Variants in FAM118B observed in about 807,000 individuals in gnomAD.
FAM118B encodes the protein SIR2 antiphage like 1, also known as protein FAM118B.
Under a neutral mutation model 38.5 loss-of-function variants are expected in FAM118B, and 24 were observed. The ratio of observed to expected loss-of-function variants is 0.62; its 90% CI spans 0.45 to 0.88. The LOEUF (loss-of-function observed/expected upper bound fraction) is 0.88. Ranked by LOEUF, FAM118B falls within the 40% of genes least tolerant of loss-of-function variation. The pLI, the probability that FAM118B is intolerant of heterozygous loss-of-function variation, is 0.00. For synonymous variants in FAM118B, 138 were observed against 156.3 expected (o/e 0.88, Z 0.87); for missense variants, 334 against 420.0 (o/e 0.80, Z 1.79).
chr11:126,251,654 C>A (rs1441238759), intron 5 of FAM118B, among the ~76,000 whole-genome samples: 1 of 152,090 alleles, frequency 6.6e-6, no homozygotes, highest in Non-Finnish European at 1.5e-5. Context: ...TCTGACCATC[C>A]TATTTAAATT....
chr11:126,237,916 ATTTT>A (rs942469776), intron 3 of FAM118B, among the ~76,000 whole-genome samples: 1 of 150,424 alleles, frequency 6.6e-6, no homozygotes, highest in Admixed American at 6.6e-5. Context: ...TTTTCTTTTA[ATTTT>A]TTTTTCTCCT....
At chr11:126,232,857 G>C (rs980897472) in intron 2 of FAM118B, among the ~76,000 whole-genome samples, 1 of 152,022 alleles carries the variant, frequency 6.6e-6, no homozygotes, top group Non-Finnish European at 1.5e-5. Context: ...TTTAGAATCG[G>C]AAGTGAGTCA....
chr11:126,229,577 G>T (rs1950183294), intron 2 of FAM118B, among the ~76,000 whole-genome samples: 1 of 151,906 alleles, frequency 6.6e-6, no homozygotes, highest in African/African-American at 2.4e-5. Flanking sequence ...CGAGTAGCTG[G>T]GATTACAGGC....
Position 126,250,873 on chromosome 11 carries a change from C to CT in FAM118B, c.567+146dup, listed in dbSNP as rs1448295482. The CT allele has an allele frequency of 4.8e-6, 3 of 623,780 alleles. No homozygotes were observed. In the East Asian group the frequency reaches 8.4e-5, roughly 17 times the overall value. 38.6% of individuals were successfully genotyped at this position (623,780 alleles called of 1,614,324 possible). A position where few individuals can be genotyped will look rare whatever the true frequency, so the allele number is the denominator to read the frequency against. On this transcript the variant is annotated intron_variant, in intron 5 of 8. Coordinates refer to ENST00000533050, the MANE Select transcript of FAM118B (RefSeq NM_024556.4). The surrounding 1 kb of genome is among the most constrained non-coding windows in gnomAD (Gnocchi z 5.1). Reference sequence around the variant, plus strand: ...TTCCCTGGTTGGAGTTTTTGTTTTTCTTTTTTCTTTCTTTTTAAAGATCAA... The same window carrying CT: ...TTCCCTGGTTGGAGTTTTTGTTTTTCTTTTTTTCTTTCTTTTTAAAGATCAA...
At chr11:126,227,058 CTTTTT>C (rs575065140) in intron 1 of FAM118B, among the ~76,000 whole-genome samples, 2 of 97,172 alleles carry the variant, frequency 2.1e-5, no homozygotes, top group Non-Finnish European at 2.0e-5. Flanking sequence ...ATACAAGCTT[CTTTTT>C]TTTTTTTTTT....
intron 1 of FAM118B, among the ~76,000 whole-genome samples, 176 bp downstream of exon 1, chr11:126,212,006 C>A (rs529827794): frequency 1.5e-4 from 23 of 152,330 alleles, no homozygotes; most frequent in Admixed American, 1.5e-3. Context: ...CCCTTAGGAG[C>A]GATGTCCCAT....
intron 1 of FAM118B, chr11:126,214,558 T>A (rs1949955274): frequency 6.9e-6 from 1 of 144,640 alleles, no homozygotes; most frequent in Non-Finnish European, 1.5e-5. Context: ...CTGTTCCTCA[T>A]TCAGCTGGTC....
intron 2 of FAM118B, among the ~76,000 whole-genome samples, chr11:126,232,866 C>T (rs1198574451): frequency 3.3e-5 from 5 of 152,040 alleles, no homozygotes; most frequent in African/African-American, 4.8e-5. Flanking sequence ...GGAAGTGAGT[C>T]ACATAAGTTA....
At chr11:126,242,325 C>A (rs546322110) in intron 4 of FAM118B, among the ~76,000 whole-genome samples, 1 of 152,086 alleles carries the variant, frequency 6.6e-6, no homozygotes, top group Non-Finnish European at 1.5e-5. Flanking sequence ...GATGGTGGCT[C>A]ATGCCTATAA....
intron 4 of FAM118B, among the ~76,000 whole-genome samples, chr11:126,241,848 C>G (rs949469095): frequency 6.6e-6 from 1 of 152,022 alleles, no homozygotes; most frequent in African/African-American, 2.4e-5. Flanking sequence ...CTGCACCCAG[C>G]CTGTTTTAAA....
chr11:126,233,223 C>T (rs887695801), intron 2 of FAM118B, among the ~76,000 whole-genome samples: 2 of 152,160 alleles, frequency 1.3e-5, no homozygotes, highest in African/African-American at 4.8e-5. Context: ...CACCTGTAAT[C>T]CCAACACTTT....
rs2135182778 is a variant in FAM118B at position 126,244,400 on chromosome 11, T to C, written c.339+3356T>C. Among the ~76,000 whole-genome samples, 1 of 152,328 alleles carries C rather than the reference T, an allele frequency of 6.6e-6. No individual in the cohort carries two copies. The highest frequency in any genetic ancestry group is 3.4e-3 in the Middle Eastern group (1 of 294). ...GGTTGGAGAATCCGGGATCAATATA[T>C]AAAAATAGTATTTTTATACACTTGC... On this transcript the variant is annotated intron_variant, in intron 4 of 8. Coordinates refer to ENST00000533050, the MANE Select transcript of FAM118B (RefSeq NM_024556.4). This position sits in a 1 kb window ranked among gnomAD's most constrained non-coding sequence, Gnocchi z 4.5.
chr11:126,238,776 C>G (rs1413646749), intron 3 of FAM118B, among the ~76,000 whole-genome samples: 2 of 152,076 alleles, frequency 1.3e-5, no homozygotes, highest in Non-Finnish European at 2.9e-5. Context: ...CAAAATTCTA[C>G]CAAGGGAATC....
chr11:126,259,647 G>C (rs1170059602), intron 7 of FAM118B, among the ~76,000 whole-genome samples: 1 of 151,034 alleles, frequency 6.6e-6, no homozygotes, highest in African/African-American at 2.4e-5. Flanking sequence ...GGATGGTCTC[G>C]GTCTCCTGAC....
At chr11:126,243,435 G>T (rs1950382647) in intron 4 of FAM118B, among the ~76,000 whole-genome samples, 2 of 151,206 alleles carry the variant, frequency 1.3e-5, no homozygotes, top group African/African-American at 4.9e-5. Flanking sequence ...CTGCACTGCA[G>T]TCTCGGTGAC....
chr11:126,228,411 G>A (rs1950171041), intron 1 of FAM118B, among the ~76,000 whole-genome samples: 1 of 151,948 alleles, frequency 6.6e-6, no homozygotes, highest in Non-Finnish European at 1.5e-5. Context: ...TGTTGGCCAG[G>A]CTGGTCTCAA....
rs1565333743 is a variant in FAM118B, at chr11:126,241,015, G to A, written c.310G>A (p.Ala104Thr). Residue 104 changes from alanine (A) to threonine (T), a missense_variant, in exon 4 of 9, where the codon GCC becomes ACC. Ala to Thr is a moderately conservative substitution (Grantham distance 58). This residue lies in a region of FAM118B where 240 missense variants were observed against 295.9 expected (regional missense o/e 0.81). Coordinates refer to ENST00000533050, the MANE Select transcript of FAM118B (RefSeq NM_024556.4). ...LHEDKNLVHV[A>T]HDLIQKLSPR... is the part of the protein sequence containing the mutation. ...TGAAGACAAGAACCTGGTCCATGTT[G>A]CCCATGACCTTATCCAGAAACTCTC... 1 of 1,608,368 alleles carries A rather than the reference G, an allele frequency of 6.2e-7. No individual in the cohort carries two copies. The highest frequency in any genetic ancestry group is 1.7e-4 in the Middle Eastern group (1 of 6,012).
intron 1 of FAM118B, chr11:126,214,490 G>GCTTTTTTTTTTTTT (rs1949942521): frequency 3.9e-5 from 1 of 25,814 alleles, no homozygotes; most frequent in South Asian, 1.3e-3. Flanking sequence ...TTTTGTTTCT[G>GCTTTTTTTTTTTTT]TTTTTTTTTT....
At position 126,262,550 on chromosome 11, in the gene FAM118B, G is replaced by A. The variant is rs1003056473; in HGVS notation, c.*417G>A. ...CTTGGTTTTTCAATTAAGCTTAATG[G>A]CTTTTTTAAAACATGACTTGAAGCT... On this transcript the variant is annotated 3_prime_UTR_variant, in exon 9 of 9. Coordinates refer to ENST00000533050, the MANE Select transcript of FAM118B (RefSeq NM_024556.4). 1 of 181,146 alleles carries A rather than the reference G, an allele frequency of 5.5e-6. No homozygotes were observed. Among genetic ancestry groups the A allele is most frequent in the African/African-American group, 2.4e-5 (1 of 42,460 alleles). The allele number at this position is 181,146 out of a possible 1,614,324, so 11.2% of individuals were successfully genotyped here.
Sources: gnomAD v4.1 joint callset for allele counts (sites outside exome capture counted in the v4.1 genomes callset) on GRCh38, gnomAD v4.1.1 for gene constraint, gnomAD v4.1.1 regional missense constraint, Gnocchi (gnomAD v3.1) non-coding constraint, MANE v1.5 for transcripts, NCBI Gene and HGNC (gene_info 2026-07-23, HGNC 2026-07-21) for gene names.